The following SKAP1 variants were observed in gnomAD, a reference collection of about 807,000 sequenced individuals.
The protein encoded by SKAP1 is src kinase associated phosphoprotein 1.
SKAP1 carries 44 observed loss-of-function variants against 58.5 expected under a neutral mutation model. The observed-to-expected ratio is 0.75, with a 90% CI of 0.59 to 0.97. The LOEUF (loss-of-function observed/expected upper bound fraction) is 0.97, where lower values mean the gene tolerates loss of function less well. SKAP1 is among the 50% of genes least tolerant of loss of function. The pLI, the probability that SKAP1 is intolerant of heterozygous loss-of-function variation, is 0.00. For missense variants in SKAP1, 390 were observed against 435.2 expected (o/e 0.90, Z 0.92); for synonymous variants, 127 against 149.7 (o/e 0.85, Z 1.11).
chr17:48,167,240 G>A (rs948042297), intron 10 of SKAP1, among the ~76,000 whole-genome samples: 2 of 152,160 alleles, frequency 1.3e-5, no homozygotes, highest in African/African-American at 2.4e-5. Flanking sequence ...TGGCACCAGA[G>A]GAGGAAGAGC....
intron 1 of SKAP1, among the ~76,000 whole-genome samples, chr17:48,427,439 C>T (rs1279478400): frequency 2.0e-5 from 3 of 152,126 alleles, no homozygotes; most frequent in African/African-American, 4.8e-5. Context: ...CGTGCATATA[C>T]TACTTCATGA....
At chr17:48,411,698 C>T (rs4793822) in intron 1 of SKAP1, among the ~76,000 whole-genome samples, 20,694 of 152,144 alleles carry the variant, frequency 0.14, 1,752 homozygotes, top group Non-Finnish European at 0.19. Flanking sequence ...CATGATGGGA[C>T]GAAAATAGCA....
At chr17:48,348,087 C>G (rs2066746778) in intron 3 of SKAP1, among the ~76,000 whole-genome samples, 1 of 152,056 alleles carries the variant, frequency 6.6e-6, no homozygotes, top group Non-Finnish European at 1.5e-5. Flanking sequence ...CACCTATAAT[C>G]CCAGCACTTT....
At chr17:48,411,121 C>T (rs992286171) in intron 1 of SKAP1, among the ~76,000 whole-genome samples, 4 of 151,710 alleles carry the variant, frequency 2.6e-5, no homozygotes, top group South Asian at 4.2e-4. Context: ...TAAGTGAGGC[C>T]GGGCACGGTG....
rs79958931 is a variant in SKAP1 at position 48,173,137 on chromosome 17, G to A, written c.827-2478C>T. 6.3e-3 allele frequency among the ~76,000 whole-genome samples: 952 copies of A among 151,764 alleles called. 5 individuals are homozygous for A. The highest frequency in any genetic ancestry group is 0.014 in the Middle Eastern group (4 of 294). ...TGAGGCTGCAGTAAGCCATGATTGC[G>A]CTACTGCAGTCCAGCCTGGGCCTGG... On this transcript the variant is annotated intron_variant, in intron 9 of 12. Transcript: ENST00000336915.
At chr17:48,155,812 G>A (rs375134403) in intron 11 of SKAP1, among the ~76,000 whole-genome samples, 1 of 152,168 alleles carries the variant, frequency 6.6e-6, no homozygotes, top group African/African-American at 2.4e-5. Flanking sequence ...AGCCGAGACC[G>A]CGCCGCTGCA....
intron 12 of SKAP1, among the ~76,000 whole-genome samples, chr17:48,135,903 G>A (rs1303968475): frequency 2.4e-4 from 36 of 152,070 alleles, no homozygotes; most frequent in Admixed American, 2.2e-3. Flanking sequence ...CAATATGTGG[G>A]GATTTTGGGG....
intron 4 of SKAP1, among the ~76,000 whole-genome samples, chr17:48,258,772 T>C (rs1227395126): frequency 6.6e-6 from 1 of 152,084 alleles, no homozygotes; most frequent in African/African-American, 2.4e-5. Context: ...TACAGCTGCT[T>C]TTAAAATGTC....
At chr17:48,148,129 G>A (rs1401918207) in intron 11 of SKAP1, among the ~76,000 whole-genome samples, 1 of 152,202 alleles carries the variant, frequency 6.6e-6, no homozygotes, top group East Asian at 1.9e-4. Context: ...CAGGGTGGGA[G>A]TGGATAATGA....
intron 1 of SKAP1, among the ~76,000 whole-genome samples, chr17:48,424,978 G>A (rs944381437): frequency 2.7e-5 from 4 of 150,558 alleles, no homozygotes; most frequent in African/African-American, 7.3e-5. Context: ...CCCTCAGTAA[G>A]GCCAGGCGGG....
intron 4 of SKAP1, among the ~76,000 whole-genome samples, chr17:48,263,102 T>C (rs748237310): frequency 6.6e-6 from 1 of 152,230 alleles, no homozygotes; most frequent in Non-Finnish European, 1.5e-5. Flanking sequence ...CTCAAAATTG[T>C]ACCTACTTAA....
intron 2 of SKAP1, among the ~76,000 whole-genome samples, chr17:48,392,978 A>G (rs2067368914): frequency 6.6e-6 from 1 of 151,916 alleles, no homozygotes; most frequent in Non-Finnish European, 1.5e-5. Flanking sequence ...GTTTCTCCCA[A>G]TGCGTTAGAA....
At chr17:48,424,930 C>CAAAAAA (rs11430293) in intron 1 of SKAP1, among the ~76,000 whole-genome samples, 2 of 84,438 alleles carry the variant, frequency 2.4e-5, no homozygotes, top group Non-Finnish European at 4.9e-5. Context: ...GACTCTGTCT[C>CAAAAAA]AAAAAAAAAA....
intron 12 of SKAP1, among the ~76,000 whole-genome samples, chr17:48,136,105 G>C (rs1431109507): frequency 6.6e-6 from 1 of 152,062 alleles, no homozygotes; most frequent in Non-Finnish European, 1.5e-5. Context: ...CTGACCAATG[G>C]AATGTGAAAG....
intron 2 of SKAP1, among the ~76,000 whole-genome samples, chr17:48,371,735 G>C (rs1815032107): frequency 6.7e-6 from 1 of 148,492 alleles, no homozygotes; most frequent in African/African-American, 2.5e-5. Flanking sequence ...TACTTGGGAG[G>C]CTGAAGTGGG....
intron 4 of SKAP1, among the ~76,000 whole-genome samples, chr17:48,244,293 T>TCCTC (rs1363873415): frequency 6.6e-6 from 1 of 152,086 alleles, no homozygotes; most frequent in Non-Finnish European, 1.5e-5. Context: ...AGTCCTTCCT[T>TCCTC]CCTCCTTTGC....
intron 2 of SKAP1, among the ~76,000 whole-genome samples, chr17:48,367,547 T>TGG: frequency 6.9e-6 from 1 of 144,800 alleles, no homozygotes; most frequent in Admixed American, 7.2e-5. Flanking sequence ...TATATATATA[T>TGG]ATGGATATAT....
At chr17:48,278,290 T>TTTTTTC (rs1245427124) in intron 4 of SKAP1, among the ~76,000 whole-genome samples, 1 of 152,256 alleles carries the variant, frequency 6.6e-6, no homozygotes, top group Non-Finnish European at 1.5e-5. Context: ...TACGCTGTTC[T>TTTTTTC]TTTTTCTTTT....
chr17:48,404,571 G>C (rs1002319578), intron 1 of SKAP1, among the ~76,000 whole-genome samples: 1 of 152,088 alleles, frequency 6.6e-6, no homozygotes, highest in Non-Finnish European at 1.5e-5. Context: ...CATTTACATA[G>C]GGTCAATGGA....
Sources: allele counts gnomAD v4.1 joint callset (sites outside exome capture counted in the v4.1 genomes callset), GRCh38; gene constraint gnomAD v4.1.1; transcripts MANE v1.5; gene names NCBI Gene and HGNC (gene_info 2026-07-23, HGNC 2026-07-21).